ANKS1B: variants seen among roughly 807,000 people sequenced by gnomAD.
ANKS1B encodes ankyrin repeat and sterile alpha motif domain containing 1B, also known as ankyrin repeat and sterile alpha motif domain-containing protein 1B.
ANKS1B carries 36 observed loss-of-function variants against 148.3 expected under a neutral mutation model. That is an observed-to-expected ratio of 0.24 (90% CI 0.19 to 0.32). ANKS1B has a LOEUF of 0.32. ANKS1B is among the 10% of genes least tolerant of loss of function. The pLI is 1.00. For missense variants in ANKS1B, 1,157 were observed against 1,542.6 expected, an observed-to-expected ratio of 0.75 and a Z score of 4.19; for synonymous variants, 542 against 560.8, an observed-to-expected ratio of 0.97 and a Z score of 0.47.
chr12:99,267,120 C>T (rs1174520614), intron 12 of ANKS1B, among the ~76,000 whole-genome samples: 1 of 152,158 alleles, frequency 6.6e-6, no homozygotes, highest in Non-Finnish European at 1.5e-5. Flanking sequence ...ACTCCATCTC[C>T]AAATCAGTGA....
chr12:99,389,419 G>T (rs73151161), intron 12 of ANKS1B, among the ~76,000 whole-genome samples: 16,280 of 152,210 alleles, frequency 0.11, 876 homozygotes, highest in Non-Finnish European at 0.12. Context: ...TCAACTAGGG[G>T]GAAGGAGGGG....
chr12:99,525,515 C>G (rs926511330), intron 9 of ANKS1B, among the ~76,000 whole-genome samples: 1 of 151,948 alleles, frequency 6.6e-6, no homozygotes, highest in African/African-American at 2.4e-5. Context: ...AATTGAAAGG[C>G]AAGATAACAG....
At chr12:99,511,754 T>TA (rs1289874008) in intron 9 of ANKS1B, among the ~76,000 whole-genome samples, 1 of 151,546 alleles carries the variant, frequency 6.6e-6, no homozygotes, top group Non-Finnish European at 1.5e-5. Flanking sequence ...TCAGAAATAA[T>TA]ATCACACATC....
intron 11 of ANKS1B, among the ~76,000 whole-genome samples, chr12:99,435,615 C>T (rs1443524750): frequency 6.6e-6 from 1 of 152,036 alleles, no homozygotes; most frequent in African/African-American, 2.4e-5. Flanking sequence ...AGTCTGACTA[C>T]ACCCCTGAGA....
chr12:99,796,349 TGA>T (rs1304123023), intron 4 of ANKS1B, among the ~76,000 whole-genome samples: 3 of 151,992 alleles, frequency 2.0e-5, no homozygotes, highest in Non-Finnish European at 2.9e-5. Flanking sequence ...AGACCATGGT[TGA>T]CTGCAGGTAT....
intron 16 of ANKS1B, among the ~76,000 whole-genome samples, chr12:99,078,252 A>G (rs2048483633): frequency 6.6e-6 from 1 of 152,216 alleles, no homozygotes; most frequent in African/African-American, 2.4e-5. Context: ...TTTATTTGCT[A>G]ACATTCTTCA....
At chr12:99,308,823 T>A (rs2082715069) in intron 12 of ANKS1B, among the ~76,000 whole-genome samples, 1 of 151,078 alleles carries the variant, frequency 6.6e-6, no homozygotes, top group South Asian at 2.1e-4. Flanking sequence ...CTTTCACACA[T>A]TTTATTAGAT....
chr12:99,932,343 C>T (rs2056665134), intron 1 of ANKS1B, among the ~76,000 whole-genome samples: 1 of 152,078 alleles, frequency 6.6e-6, no homozygotes, highest in South Asian at 2.1e-4. Context: ...GTTTGAGGAA[C>T]CTCCATACTG....
intron 14 of ANKS1B, among the ~76,000 whole-genome samples, chr12:99,204,425 A>G (rs1197693859): frequency 6.6e-6 from 1 of 152,220 alleles, no homozygotes; most frequent in Admixed American, 6.5e-5. Flanking sequence ...GATAACATAA[A>G]TTAATGGGTC....
intron 9 of ANKS1B, among the ~76,000 whole-genome samples, chr12:99,550,997 A>G (rs899383054): frequency 6.6e-6 from 1 of 152,134 alleles, no homozygotes; most frequent in Non-Finnish European, 1.5e-5. Context: ...TGTCCTAAGG[A>G]TGTGTTTTGG....
At chr12:99,975,867 A>T (rs949121459) in intron 1 of ANKS1B, among the ~76,000 whole-genome samples, 3 of 152,224 alleles carry the variant, frequency 2.0e-5, no homozygotes, top group African/African-American at 4.8e-5. Context: ...CCAAAAGAAA[A>T]TAAATCATTC....
chr12:99,309,345 C>T (rs1210216584), intron 12 of ANKS1B, among the ~76,000 whole-genome samples: 1 of 151,876 alleles, frequency 6.6e-6, no homozygotes, highest in African/African-American at 2.4e-5. Flanking sequence ...TCTTAAGCTC[C>T]TACTGAGTTA....
chr12:98,753,678 C>T lies in ANKS1B; in HGVS notation c.3580-2156G>A, dbSNP rs1338761473. Among the ~76,000 whole-genome samples, 28 of 152,194 alleles carry T rather than the reference C, an allele frequency of 1.8e-4. 1 individual carries two copies. Among genetic ancestry groups the T allele is most frequent in the Admixed American group, 1.6e-3 (24 of 15,278 alleles). ...CCCACATCAGGGGATCCACCCACCTCGGCCTCCAAAGTGCTGGGATTATAG... is the reference window on the plus strand; with the variant it reads ...CCCACATCAGGGGATCCACCCACCTTGGCCTCCAAAGTGCTGGGATTATAG... On this transcript the variant is annotated intron_variant, in intron 25 of 26. Transcript: ENST00000683438.
intron 4 of ANKS1B, among the ~76,000 whole-genome samples, chr12:99,805,384 G>A (rs1053063500): frequency 6.6e-6 from 1 of 151,026 alleles, no homozygotes; most frequent in Non-Finnish European, 1.5e-5. Context: ...AGAACTTGGG[G>A]ATGCCAAGGT....
In ANKS1B at chr12:99,867,763, G is replaced by A. The variant is rs143770570; in HGVS notation, c.135-42374C>T. Among the ~76,000 whole-genome samples the A allele has an allele frequency of 3.3e-3, 498 of 152,264 alleles. 2 individuals are homozygous for A. Among genetic ancestry groups the A allele is most frequent in the African/African-American group, 0.011 (442 of 41,534 alleles). On this transcript the variant is annotated intron_variant, in intron 1 of 26. Transcript: ENST00000683438. Reference sequence around the variant, plus strand: ...CCAACATTACACCTACTCTTCCAGAGAACAGGAAAATATAAAACACTTCCA... The same window carrying A: ...CCAACATTACACCTACTCTTCCAGAAAACAGGAAAATATAAAACACTTCCA...
intron 9 of ANKS1B, among the ~76,000 whole-genome samples, chr12:99,646,192 T>A (rs1198232529): frequency 6.6e-6 from 1 of 152,152 alleles, no homozygotes; most frequent in African/African-American, 2.4e-5. Flanking sequence ...ATAAGTAACA[T>A]AGACTTGAAG....
chr12:99,863,024 T>A (rs184572438), intron 1 of ANKS1B, among the ~76,000 whole-genome samples: 1 of 152,224 alleles, frequency 6.6e-6, no homozygotes, highest in Non-Finnish European at 1.5e-5. Context: ...TCATGAGGAA[T>A]AGAGAGGCAA....
chr12:99,100,777 G>C (rs1004820010), intron 15 of ANKS1B, among the ~76,000 whole-genome samples: 1 of 152,154 alleles, frequency 6.6e-6, no homozygotes, highest in Non-Finnish European at 1.5e-5. Context: ...TGATCCACCC[G>C]CCTCAGACTC....
intron 9 of ANKS1B, among the ~76,000 whole-genome samples, chr12:99,596,756 C>T (rs1298936565): frequency 6.6e-6 from 1 of 151,860 alleles, no homozygotes; most frequent in South Asian, 2.1e-4. Flanking sequence ...GTAAACATTA[C>T]AGTACTTCCT....
Sources: allele counts gnomAD v4.1 joint callset (sites outside exome capture counted in the v4.1 genomes callset), GRCh38; gene constraint gnomAD v4.1.1; transcripts MANE v1.5; gene names NCBI Gene and HGNC (gene_info 2026-07-23, HGNC 2026-07-21).